The following GALNT10 variants were observed in gnomAD, a reference collection of about 807,000 sequenced individuals.
GALNT10 encodes GalNAc transferase 10.
Under a neutral mutation model 75.0 loss-of-function variants are expected in GALNT10, and 41 were observed. That is an observed-to-expected ratio of 0.55 (90% CI 0.43 to 0.71). The LOEUF is 0.71. GALNT10 is among the 30% of genes least tolerant of loss of function. The pLI is 0.00. For synonymous variants in GALNT10, 302 were observed against 313.0 expected (o/e 0.96, Z 0.37); for missense variants, 727 against 818.5 (o/e 0.89, Z 1.36).
At chr5:154,415,097 T>C (rs549259967) in intron 10 of GALNT10, among the ~76,000 whole-genome samples, 74 of 152,244 alleles carry the variant, frequency 4.9e-4, no homozygotes, top group Admixed American at 3.0e-3. Context: ...CACTCCAGCA[T>C]GGACAACAAG....
chr5:154,195,270 G>T (rs1774919536), intron 1 of GALNT10, among the ~76,000 whole-genome samples: 1 of 152,216 alleles, frequency 6.6e-6, no homozygotes, highest in Non-Finnish European at 1.5e-5. Context: ...GCTCCTGACG[G>T]TGTTTGCAGA....
chr5:154,380,661 G>C, intron 6 of GALNT10, 30 bp downstream of exon 6: 2 of 1,538,600 alleles, frequency 1.3e-6, no homozygotes, highest in Non-Finnish European at 1.8e-6. Context: ...GCTGGTCCCA[G>C]TGGCTACCCA....
chr5:154,339,915 C>T (rs1755007082), intron 4 of GALNT10, among the ~76,000 whole-genome samples: 1 of 152,326 alleles, frequency 6.6e-6, no homozygotes, highest in East Asian at 1.9e-4. Context: ...GAACTGCCCC[C>T]TTCTGTCATA....
intron 3 of GALNT10, among the ~76,000 whole-genome samples, chr5:154,307,403 G>A (rs1470460205): frequency 2.6e-5 from 4 of 152,122 alleles, no homozygotes; most frequent in Admixed American, 2.0e-4. Flanking sequence ...GGCAGATCAC[G>A]AGGTCAGGAG....
chr5:154,353,986 T>C (rs911506537), intron 4 of GALNT10, among the ~76,000 whole-genome samples: 2 of 152,166 alleles, frequency 1.3e-5, no homozygotes, highest in Non-Finnish European at 1.5e-5. Context: ...AGCGACATCA[T>C]TAAGTGTTGA....
In GALNT10 at chr5:154,376,293, T is replaced by C. The variant is rs757265058; in HGVS notation, c.585T>C (p.Pro195=). ...GTCTCATAGAGCACCTGAAGAAGCC[T>C]CTTGAAGACTACATGGCCCTTTTCC... ...DFSDREHLKK[P]LEDYMALFPS... Residue 195 remains proline, a synonymous_variant, in exon 5 of 12, where the codon CCT becomes CCC. Coordinates refer to ENST00000297107, the MANE Select transcript of GALNT10 (RefSeq NM_198321.4). The surrounding 1 kb of genome is among the most constrained non-coding windows in gnomAD (Gnocchi z 4.1). The C allele has an allele frequency of 6.2e-7, 1 of 1,611,522 alleles. No homozygotes were observed. The highest frequency in any genetic ancestry group is 1.1e-5 in the South Asian group (1 of 90,822).
At chr5:154,219,144 G>T (rs978149131) in intron 1 of GALNT10, among the ~76,000 whole-genome samples, 1 of 152,158 alleles carries the variant, frequency 6.6e-6, no homozygotes, top group Admixed American at 6.5e-5. Flanking sequence ...CTCGCCTTTG[G>T]CTCCCAATGT....
chr5:154,256,346 TGTTTTTG>T (rs200327249), intron 1 of GALNT10, among the ~76,000 whole-genome samples: 10,360 of 148,762 alleles, frequency 0.07, 949 homozygotes, highest in African/African-American at 0.21. Context: ...CAGAGGCTGT[TGTTTTTG>T]TTTTTTTTTT....
At chr5:154,199,951 T>C (rs995673858) in intron 1 of GALNT10, among the ~76,000 whole-genome samples, 1 of 152,086 alleles carries the variant, frequency 6.6e-6, no homozygotes, top group African/African-American at 2.4e-5. Context: ...GTTGTGAGGA[T>C]TGAGGTACAG....
chr5:154,230,182 A>T (rs1753127186), intron 1 of GALNT10, among the ~76,000 whole-genome samples: 2 of 152,192 alleles, frequency 1.3e-5, no homozygotes, highest in South Asian at 4.1e-4. Context: ...GTGTACGCAA[A>T]GCTTTATGTC....
chr5:154,366,658 A>T (rs1724682657), intron 4 of GALNT10, among the ~76,000 whole-genome samples: 1 of 152,158 alleles, frequency 6.6e-6, no homozygotes, highest in South Asian at 2.1e-4. Flanking sequence ...GGTAGGAAAG[A>T]CAACTAAAAA....
At chr5:154,209,226 C>T (rs1436348088) in intron 1 of GALNT10, among the ~76,000 whole-genome samples, 1 of 152,214 alleles carries the variant, frequency 6.6e-6, no homozygotes, top group African/African-American at 2.4e-5. Context: ...CCAGAGACGC[C>T]ACCCGTGCTG....
At chr5:154,356,615 C>A (rs1049871361) in intron 4 of GALNT10, among the ~76,000 whole-genome samples, 2 of 152,292 alleles carry the variant, frequency 1.3e-5, no homozygotes, top group Middle Eastern at 6.8e-3. Context: ...ACCCAGGAGC[C>A]TCATGTAGAA....
At chr5:154,234,651 G>C (rs896545286) in intron 1 of GALNT10, among the ~76,000 whole-genome samples, 2 of 152,244 alleles carry the variant, frequency 1.3e-5, no homozygotes, top group African/African-American at 2.4e-5. Context: ...CATTGAGTCT[G>C]GTGTCAGGAT....
intron 4 of GALNT10, among the ~76,000 whole-genome samples, chr5:154,346,684 C>G (rs894305780): frequency 6.6e-6 from 1 of 152,152 alleles, no homozygotes; most frequent in African/African-American, 2.4e-5. Context: ...ATAGGTAGTA[C>G]TGCTTTTATA....
chr5:154,288,400 A>G (rs1425597115), intron 1 of GALNT10, among the ~76,000 whole-genome samples: 2 of 116,894 alleles, frequency 1.7e-5, no homozygotes, highest in Non-Finnish European at 3.5e-5. Flanking sequence ...CAAAGATTAA[A>G]ATTCCATTTG....
intron 1 of GALNT10, among the ~76,000 whole-genome samples, chr5:154,259,765 T>C (rs1287617702): frequency 6.6e-6 from 1 of 152,198 alleles, no homozygotes; most frequent in African/African-American, 2.4e-5. Flanking sequence ...ACATATGTTA[T>C]AAGCCCCTGC....
intron 1 of GALNT10, among the ~76,000 whole-genome samples, chr5:154,230,014 C>T (rs1753123661): frequency 6.6e-6 from 1 of 151,498 alleles, no homozygotes; most frequent in South Asian, 2.1e-4. Context: ...ACACAAGTCT[C>T]ACTCTCAAGG....
intron 10 of GALNT10, among the ~76,000 whole-genome samples, chr5:154,414,594 C>G (rs1408207960): frequency 1.3e-5 from 2 of 151,384 alleles, no homozygotes; most frequent in African/African-American, 2.4e-5. Flanking sequence ...TTGGTGGGGA[C>G]AGGAGGAGGA....
Sources: allele counts gnomAD v4.1 joint callset (sites outside exome capture counted in the v4.1 genomes callset), GRCh38; gene constraint gnomAD v4.1.1; non-coding constraint Gnocchi (gnomAD v3.1); transcripts MANE v1.5; gene names NCBI Gene and HGNC (gene_info 2026-07-23, HGNC 2026-07-21).